ADIPOR2: variants seen among roughly 807,000 people sequenced by gnomAD.
ADIPOR2 encodes the protein adiponectin receptor protein 2.
ADIPOR2 carries 18 observed loss-of-function variants against 40.9 expected under a neutral mutation model. The observed-to-expected ratio is 0.44, with a 90% CI of 0.30 to 0.65. The LOEUF is 0.65. ADIPOR2 is among the 30% of genes least tolerant of loss of function. ADIPOR2 has a pLI of 0.09. For synonymous variants in ADIPOR2, 165 were observed against 166.4 expected, an observed-to-expected ratio of 0.99 and a Z score of 0.06; for missense variants, 283 against 479.2, an observed-to-expected ratio of 0.59 and a Z score of 3.82.
rs1862842027 is a variant in ADIPOR2, at chr12:1,786,611, A to C, written c.*539A>C. On this transcript the variant is annotated 3_prime_UTR_variant, in exon 8 of 8. Coordinates refer to ENST00000357103, the MANE Select transcript of ADIPOR2 (RefSeq NM_024551.3). ...AATGTTTAAAACATAGGGGTAAGGG[A>C]GGGAGGGAGAATTTTTGTATAGAAT... The C allele has an allele frequency of 6.5e-6, 1 of 152,972 alleles. No individual in the cohort carries two copies. The highest frequency in any genetic ancestry group is 1.5e-5 in the Non-Finnish European group (1 of 68,322). The allele number at this position is 152,972 out of a possible 1,614,324, so 9.5% of individuals were successfully genotyped here. A position where few individuals can be genotyped will look rare whatever the true frequency, so the allele number is the denominator to read the frequency against.
intron 2 of ADIPOR2, among the ~76,000 whole-genome samples, chr12:1,754,765 G>T (rs183702480): frequency 6.6e-6 from 1 of 150,726 alleles, no homozygotes; most frequent in Non-Finnish European, 1.5e-5. Flanking sequence ...ACGGAGTCTC[G>T]CTCTGTCACC....
At chr12:1,773,269 G>A (rs760522729) in intron 3 of ADIPOR2, among the ~76,000 whole-genome samples, 1 of 152,218 alleles carries the variant, frequency 6.6e-6, no homozygotes, top group Non-Finnish European at 1.5e-5. Flanking sequence ...AACATAGTCA[G>A]AAGTGGTTGA....
chr12:1,755,120 G>C (rs1311203545), intron 2 of ADIPOR2, among the ~76,000 whole-genome samples: 3,440 of 69,008 alleles, frequency 0.05, 256 homozygotes, highest in Middle Eastern at 0.095. Flanking sequence ...TTGTTCTGTC[G>C]CCAGGCTGGA....
At chr12:1,760,511 T>C (rs1258911024) in intron 2 of ADIPOR2, among the ~76,000 whole-genome samples, 2 of 152,214 alleles carry the variant, frequency 1.3e-5, no homozygotes, top group Non-Finnish European at 2.9e-5. Context: ...AGGCAACCTC[T>C]AGTCTACTTT....
At chr12:1,717,581 T>C (rs1165121205) in intron 1 of ADIPOR2, among the ~76,000 whole-genome samples, 1 of 152,136 alleles carries the variant, frequency 6.6e-6, no homozygotes, top group Non-Finnish European at 1.5e-5. Context: ...GGCACATGCC[T>C]GTAATCCCAG....
chr12:1,726,218 A>G (rs914836575), intron 1 of ADIPOR2, among the ~76,000 whole-genome samples: 2 of 151,988 alleles, frequency 1.3e-5, no homozygotes, highest in Non-Finnish European at 2.9e-5. Context: ...TTTTCTTGAG[A>G]CGGAGTTTCA....
intron 1 of ADIPOR2, among the ~76,000 whole-genome samples, chr12:1,693,674 C>T (rs2094632142): frequency 6.6e-6 from 1 of 152,044 alleles, no homozygotes; most frequent in Non-Finnish European, 1.5e-5. Context: ...GCTGGGATTA[C>T]AGGTGTGCGC....
At chr12:1,693,225 G>T (rs996753116) in intron 1 of ADIPOR2, among the ~76,000 whole-genome samples, 1 of 152,034 alleles carries the variant, frequency 6.6e-6, no homozygotes, top group African/African-American at 2.4e-5. Context: ...ATTGTCTGTA[G>T]TTTCTTTTGG....
chr12:1,710,473 A>G (rs1044458284), intron 1 of ADIPOR2, among the ~76,000 whole-genome samples: 8 of 151,960 alleles, frequency 5.3e-5, no homozygotes, highest in African/African-American at 1.7e-4. Context: ...TTTGCTTGCT[A>G]TTCTGTCCTA....
At chr12:1,749,750 T>C (rs1412798972) in intron 1 of ADIPOR2, among the ~76,000 whole-genome samples, 1 of 152,118 alleles carries the variant, frequency 6.6e-6, no homozygotes, top group Non-Finnish European at 1.5e-5. Flanking sequence ...TATTAACCTA[T>C]AGAACAATTT....
chr12:1,772,112 A>C (rs1476942181), intron 2 of ADIPOR2, among the ~76,000 whole-genome samples: 1 of 152,196 alleles, frequency 6.6e-6, no homozygotes, highest in East Asian at 1.9e-4. Context: ...TGGAGGCAGA[A>C]ATTTTAATTT....
Position 1,786,303 on chromosome 12 carries a change from C to T in ADIPOR2, c.*231C>T. 1 of 487,872 alleles carries T rather than the reference C, an allele frequency of 2.0e-6. No homozygotes were observed. 30.2% of individuals were successfully genotyped at this position (487,872 alleles called of 1,614,324 possible). ...AATTGGGAGAAAAGGAGACATAGCCCAAACCCTGGCTTATTCTTGGGATCT... is the reference window on the plus strand; with the variant it reads ...AATTGGGAGAAAAGGAGACATAGCCTAAACCCTGGCTTATTCTTGGGATCT... On this transcript the variant is annotated 3_prime_UTR_variant, in exon 8 of 8. Coordinates refer to ENST00000357103, the MANE Select transcript of ADIPOR2 (RefSeq NM_024551.3).
chr12:1,753,784 C>CT (rs201127275), intron 1 of ADIPOR2, among the ~76,000 whole-genome samples: 2,391 of 152,122 alleles, frequency 0.016, 26 homozygotes, highest in Non-Finnish European at 0.025. Flanking sequence ...AATATATAAA[C>CT]TTACATATAT....
chr12:1,719,784 C>T (rs1204420663), intron 1 of ADIPOR2, among the ~76,000 whole-genome samples: 1 of 151,878 alleles, frequency 6.6e-6, no homozygotes, highest in East Asian at 1.9e-4. Flanking sequence ...AAGCAGTTCT[C>T]CTGCGACAGC....
At chr12:1,744,130 G>A (rs375301630) in intron 1 of ADIPOR2, among the ~76,000 whole-genome samples, 4 of 150,266 alleles carry the variant, frequency 2.7e-5, no homozygotes, top group South Asian at 2.1e-4. Flanking sequence ...TTTTTGAGAC[G>A]GAGTCTTGCT....
chr12:1,743,759 T>C (rs2094748806), intron 1 of ADIPOR2, among the ~76,000 whole-genome samples: 1 of 152,234 alleles, frequency 6.6e-6, no homozygotes, highest in Admixed American at 6.5e-5. Context: ...TAATCACTTA[T>C]TGTTGATTTC....
At chr12:1,770,842 CAG>C (rs928225891) in intron 2 of ADIPOR2, among the ~76,000 whole-genome samples, 42 of 152,064 alleles carry the variant, frequency 2.8e-4, no homozygotes, top group African/African-American at 8.4e-4. Context: ...TCAGAAGAAA[CAG>C]AAGTCAGAAG....
intron 4 of ADIPOR2, among the ~76,000 whole-genome samples, chr12:1,778,911 G>A (rs1287203925): frequency 1.3e-5 from 2 of 151,236 alleles, no homozygotes; most frequent in East Asian, 3.9e-4. Flanking sequence ...ATAAGCACAT[G>A]AAAAGATGTT....
chr12:1,692,338 G>GT (rs1447619918), intron 1 of ADIPOR2, among the ~76,000 whole-genome samples: 40 of 152,178 alleles, frequency 2.6e-4, no homozygotes, highest in African/African-American at 8.9e-4. Context: ...CGACTCTTAG[G>GT]TAATTCCTAG....
Sources: allele counts gnomAD v4.1 joint callset (sites outside exome capture counted in the v4.1 genomes callset), GRCh38; gene constraint gnomAD v4.1.1; transcripts MANE v1.5; gene names NCBI Gene and HGNC (gene_info 2026-07-23, HGNC 2026-07-21).